CTXND2: variants seen among roughly 807,000 people sequenced by gnomAD.
CTXND2 encodes cortexin domain containing 2.
At chr1:150,907,400 A>G (rs192385205) in intron 1 of CTXND2, among the ~76,000 whole-genome samples, 1 of 152,294 alleles carries the variant, frequency 6.6e-6, no homozygotes, top group East Asian at 1.9e-4. Flanking sequence ...CTAGACTTAC[A>G]TGTGAATGGA....
At chr1:150,911,634 T>C (rs1669259419) in intron 1 of CTXND2, among the ~76,000 whole-genome samples, 1 of 151,990 alleles carries the variant, frequency 6.6e-6, no homozygotes, top group Admixed American at 6.6e-5. Flanking sequence ...GGTTTCACCA[T>C]GTTGTCCAGG....
chr1:150,898,483 C>T (rs1241625350), intron 1 of CTXND2, among the ~76,000 whole-genome samples: 2 of 151,938 alleles, frequency 1.3e-5, no homozygotes, highest in Non-Finnish European at 2.9e-5. Context: ...ACTGGCCGGG[C>T]GTGGTGGCTC....
chr1:150,905,120 G>C (rs1383953691), intron 1 of CTXND2, among the ~76,000 whole-genome samples: 7 of 137,212 alleles, frequency 5.1e-5, no homozygotes, highest in Non-Finnish European at 9.4e-5. Context: ...CCCTTCATAA[G>C]GAACTTGCAG....
At chr1:150,889,480 C>T (rs1053024262) in intron 1 of CTXND2, among the ~76,000 whole-genome samples, 1 of 151,814 alleles carries the variant, frequency 6.6e-6, no homozygotes, top group Non-Finnish European at 1.5e-5. Context: ...CAAATTTAAG[C>T]CCAGGAGTTT....
intron 1 of CTXND2, among the ~76,000 whole-genome samples, chr1:150,893,052 T>TAA (rs757473364): frequency 4.5e-4 from 69 of 152,210 alleles, no homozygotes; most frequent in Non-Finnish European, 6.6e-4. Flanking sequence ...TAAAGTTTGG[T>TAA]AATTGTTTCC....
chr1:150,894,386 C>A (rs1374858040), intron 1 of CTXND2, among the ~76,000 whole-genome samples: 7 of 152,146 alleles, frequency 4.6e-5, no homozygotes, highest in Non-Finnish European at 7.4e-5. Flanking sequence ...TTCAATAAAT[C>A]AAGCTTGTTA....
At chr1:150,907,795 C>T (rs1259542281) in intron 1 of CTXND2, among the ~76,000 whole-genome samples, 7 of 151,132 alleles carry the variant, frequency 4.6e-5, no homozygotes, top group South Asian at 2.1e-4. Flanking sequence ...CCGCAAGCTC[C>T]GCCTCCCAGG....
chr1:150,898,274 C>T (rs1668936447), intron 1 of CTXND2, among the ~76,000 whole-genome samples: 1 of 152,018 alleles, frequency 6.6e-6, no homozygotes, highest in Admixed American at 6.6e-5. Context: ...CAGAGTCAAT[C>T]TCCTTCTTCC....
chr1:150,891,818 C>A (rs764608602), intron 1 of CTXND2, among the ~76,000 whole-genome samples: 1 of 152,108 alleles, frequency 6.6e-6, no homozygotes, highest in Admixed American at 6.5e-5. Context: ...TCATTCTTAG[C>A]CCTCAATTCA....
chr1:150,905,713 G>A (rs1049480637), intron 1 of CTXND2, among the ~76,000 whole-genome samples: 8 of 152,198 alleles, frequency 5.3e-5, no homozygotes, highest in Middle Eastern at 3.4e-3. Flanking sequence ...GAATAAGGCC[G>A]GGCGCAGTGG....
chr1:150,895,397 G>A (rs139899433), intron 1 of CTXND2, among the ~76,000 whole-genome samples: 1 of 151,598 alleles, frequency 6.6e-6, no homozygotes, highest in Non-Finnish European at 1.5e-5. Flanking sequence ...AGGCTGCAGT[G>A]CAGAGACGCG....
intron 1 of CTXND2, among the ~76,000 whole-genome samples, chr1:150,910,263 G>T (rs587761640): frequency 3.3e-5 from 5 of 151,310 alleles, no homozygotes; most frequent in African/African-American, 9.7e-5. Flanking sequence ...CTGAGTAGCT[G>T]GGATTACAGG....
intron 1 of CTXND2, among the ~76,000 whole-genome samples, chr1:150,900,173 C>T (rs587642075): frequency 1.9e-3 from 296 of 152,216 alleles, no homozygotes; most frequent in African/African-American, 6.8e-3. Context: ...GTCTTTGGGT[C>T]TGCACTACCT....
At chr1:150,891,300 G>A (rs1329615098) in intron 1 of CTXND2, among the ~76,000 whole-genome samples, 1 of 151,206 alleles carries the variant, frequency 6.6e-6, no homozygotes, top group Non-Finnish European at 1.5e-5. Flanking sequence ...TACAACCTCC[G>A]CCTCTTGGGT....
chr1:150,898,202 G>T (rs587678757), intron 1 of CTXND2, among the ~76,000 whole-genome samples: 293 of 151,204 alleles, frequency 1.9e-3, no homozygotes, highest in African/African-American at 6.7e-3. Flanking sequence ...TTTCTCTCAT[G>T]ATGTGCTTTT....
At chr1:150,900,673 C>A (rs587726721) in intron 1 of CTXND2, among the ~76,000 whole-genome samples, 152 of 151,282 alleles carry the variant, frequency 1.0e-3, no homozygotes, top group African/African-American at 3.5e-3. Flanking sequence ...AAAACCCTGA[C>A]GAATAGTGAG....
At chr1:150,903,466 C>T (rs587763649) in intron 1 of CTXND2, among the ~76,000 whole-genome samples, 70 of 151,650 alleles carry the variant, frequency 4.6e-4, no homozygotes, top group African/African-American at 1.6e-3. Flanking sequence ...TTAAAAGATA[C>T]CAGTATGAGA....
At chr1:150,892,528 C>CTTTTTTTTTTTTTTTTTTTT (rs5777740) in intron 1 of CTXND2, among the ~76,000 whole-genome samples, 1 of 123,350 alleles carries the variant, frequency 8.1e-6, no homozygotes, top group Non-Finnish European at 1.7e-5. Flanking sequence ...TCTTCTTCTT[C>CTTTTTTTTTTTTTTTTTTTT]TTTTTTTTTT....
At chr1:150,908,884 A>C (rs1231052241) in intron 1 of CTXND2, among the ~76,000 whole-genome samples, 1 of 151,330 alleles carries the variant, frequency 6.6e-6, no homozygotes, top group African/African-American at 2.4e-5. Flanking sequence ...TCATCCTCCC[A>C]AAGTGCTGGT....
Sources: allele counts gnomAD v4.1 joint callset (sites outside exome capture counted in the v4.1 genomes callset), GRCh38; gene constraint gnomAD v4.1.1; transcripts MANE v1.5; gene names NCBI Gene and HGNC (gene_info 2026-07-23, HGNC 2026-07-21).